The following PRKRA variants were observed in gnomAD, a reference collection of about 807,000 sequenced individuals.
The protein encoded by PRKRA is protein activator of interferon induced protein kinase EIF2AK2.
PRKRA carries 22 observed loss-of-function variants against 32.4 expected under a neutral mutation model. The observed-to-expected ratio is 0.68, with a 90% CI of 0.49 to 0.97. The LOEUF (loss-of-function observed/expected upper bound fraction) is 0.97, where lower values mean the gene tolerates loss of function less well. Ranked by LOEUF, PRKRA falls within the 50% of genes least tolerant of loss-of-function variation. The probability of loss-of-function intolerance (pLI) is 0.00; values close to 1 mark genes in which losing one functional copy is unlikely to be tolerated. For missense variants in PRKRA, 319 were observed against 375.6 expected (o/e 0.85, Z 1.25); for synonymous variants, 139 against 129.8 (o/e 1.07, Z -0.48).
At chr2:178,435,886 T>C (rs922168854) in intron 7 of PRKRA, among the ~76,000 whole-genome samples, 1 of 152,246 alleles carries the variant, frequency 6.6e-6, no homozygotes, top group Non-Finnish European at 1.5e-5. Context: ...CTTAGAACAG[T>C]GTCTGGCACA....
In PRKRA at chr2:178,447,563, C is replaced by A; in HGVS notation, c.259G>T (p.Ala87Ser). The A allele has an allele frequency of 6.2e-7, 1 of 1,614,136 alleles. No individual in the cohort carries two copies. Among genetic ancestry groups the A allele is most frequent in the Non-Finnish European group, 8.5e-7 (1 of 1,180,000 alleles). Residue 87 changes from alanine to serine, a missense_variant, in exon 3 of 8, where the codon GCG (alanine) becomes TCG (serine). By Grantham distance (99) the Ala-to-Ser change is moderately conservative (BLOSUM62 1). Transcript: ENST00000325748. Reference sequence around the variant, plus strand: ...GCAGCCTCTGCAGCTCTATGTTTCGCCAGCTTCTTACTTGTACCTTCACCT... The same window carrying A: ...GCAGCCTCTGCAGCTCTATGTTTCGACAGCTTCTTACTTGTACCTTCACCT... ...CTGEGTSKKL[A>S]KHRAAEAAIN...
At chr2:178,450,087 C>T (rs1377290807) in intron 2 of PRKRA, 155 bp downstream of exon 2, 7 of 954,828 alleles carry the variant, frequency 7.3e-6, no homozygotes, top group Non-Finnish European at 1.2e-5. Flanking sequence ...TCAGATGCAG[C>T]TGAAAAGCCC....
intron 6 of PRKRA, among the ~76,000 whole-genome samples, chr2:178,437,632 T>TA (rs1012124876): frequency 6.6e-6 from 1 of 152,186 alleles, no homozygotes; most frequent in Non-Finnish European, 1.5e-5. Context: ...TTAATTTTGA[T>TA]AAATACTTCC....
intron 2 of PRKRA, 108 bp from the exon 3 acceptor site, chr2:178,447,694 T>A: frequency 2.1e-6 from 2 of 968,550 alleles, no homozygotes; most frequent in East Asian, 4.4e-5. Context: ...TACATACACA[T>A]ACTAGGTAAT....
At chr2:178,433,895 AG>A (rs1696773439) in intron 7 of PRKRA, 1 of 152,208 alleles carries the variant, frequency 6.6e-6, no homozygotes. Context: ...CATATCTACA[AG>A]AACTATTTAG....
chr2:178,450,424 C>T lies in PRKRA; in HGVS notation c.66-13G>A, dbSNP rs1559361111. 10 of 1,614,238 alleles carry T rather than the reference C, an allele frequency of 6.2e-6. No individual in the cohort carries two copies. Among genetic ancestry groups the T allele is most frequent in the Non-Finnish European group, 8.5e-6 (10 of 1,180,038 alleles). On this transcript the variant is annotated splice_polypyrimidine_tract_variant and intron_variant, in intron 1 of 7. Coordinates refer to ENST00000325748, the MANE Select transcript of PRKRA (RefSeq NM_003690.5). ...CATCTTCCCCAAACTGCAAAAACCA[C>T]AAAAAGGTGTGCTTTGCATGCCAAA...
chr2:178,450,911 C>CG, intron 1 of PRKRA, 55 bp downstream of exon 1: 1 of 1,222,098 alleles, frequency 8.2e-7, no homozygotes, highest in Non-Finnish European at 1.0e-6. Context: ...CCCCGCGCCC[C>CG]GGCCCTGCCG....
At position 178,434,959 on chromosome 2, in the gene PRKRA, TAA is replaced by T. The variant is rs369335856; in HGVS notation, c.784+1184_784+1185del. 3.6e-4 allele frequency among the ~76,000 whole-genome samples: 50 copies of T among 139,308 alleles called. No individual in the cohort carries two copies. In the South Asian group the frequency reaches 0.011, roughly 29 times the overall value. 91.4% of individuals were successfully genotyped at this position (139,308 alleles called of 152,430 possible). On this transcript the variant is annotated intron_variant, in intron 7 of 7. Coordinates refer to ENST00000325748, the MANE Select transcript of PRKRA (RefSeq NM_003690.5). Reference sequence around the variant, plus strand: ...AACATGGTGAAACTCCCATCTCTACTAAAAAAAAAAAAACTTTGGGAGGCCGA... The same window carrying T: ...AACATGGTGAAACTCCCATCTCTACTAAAAAAAAAAACTTTGGGAGGCCGA...
chr2:178,440,737 C>G (rs959636318), intron 6 of PRKRA, among the ~76,000 whole-genome samples: 2 of 152,154 alleles, frequency 1.3e-5, no homozygotes, highest in African/African-American at 4.8e-5. Flanking sequence ...AGCACTCTCG[C>G]AGGTCTCTTT....
chr2:178,448,773 C>T (rs1697418253), intron 2 of PRKRA, among the ~76,000 whole-genome samples: 1 of 152,104 alleles, frequency 6.6e-6, no homozygotes, highest in Non-Finnish European at 1.5e-5. Flanking sequence ...GATTATTAAA[C>T]GCCAATGGAT....
rs780283451 is a variant in PRKRA at position 178,446,992 on chromosome 2, CAAAAAAAAAA to C, written c.317+503_317+512del. On this transcript the variant is annotated intron_variant, in intron 3 of 7. Transcript: ENST00000325748. ...TGGGCGACAGAGCGAGACTCCGTCT[CAAAAAAAAAA>C]AAAAAAAAAAAAAAATCTTACTTTA... Among the ~76,000 whole-genome samples the C allele has an allele frequency of 5.0e-4, 23 of 46,074 alleles. No individual in the cohort carries two copies. In the South Asian group the frequency reaches 0.014, roughly 28 times the overall value. 30.2% of individuals were successfully genotyped at this position (46,074 alleles called of 152,430 possible).
At chr2:178,450,555 G>C in intron 1 of PRKRA, 144 bp from the exon 2 acceptor site, 3 of 1,539,736 alleles carry the variant, frequency 1.9e-6, no homozygotes, top group Non-Finnish European at 2.6e-6. Flanking sequence ...GCGAGGCTGG[G>C]GCGCACCTGT....
At chr2:178,444,379 T>C in intron 4 of PRKRA, 43 bp downstream of exon 4, 1 of 1,146,700 alleles carries the variant, frequency 8.7e-7, no homozygotes, top group Non-Finnish European at 1.2e-6. Flanking sequence ...CATTACAAAC[T>C]TATTATATAT....
chr2:178,448,985 G>A (rs898884666), intron 2 of PRKRA, among the ~76,000 whole-genome samples: 8 of 152,316 alleles, frequency 5.3e-5, no homozygotes, highest in African/African-American at 1.9e-4. Flanking sequence ...AGGCAAAGAT[G>A]CTCAGCAAGC....
At chr2:178,446,992 CAAAAAAAAAAAA>C (rs780283451) in intron 3 of PRKRA, among the ~76,000 whole-genome samples, 14 of 46,088 alleles carry the variant, frequency 3.0e-4, no homozygotes, top group African/African-American at 1.1e-3. Flanking sequence ...GACTCCGTCT[CAAAAAAAAAAAA>C]AAAAAAAAAA....
At chr2:178,441,883 A>C (rs1697129226) in intron 5 of PRKRA, among the ~76,000 whole-genome samples, 179 bp from the exon 6 acceptor site, 1 of 145,218 alleles carries the variant, frequency 6.9e-6, no homozygotes, top group African/African-American at 2.6e-5. Flanking sequence ...TATAGCTATT[A>C]ATTCTTTTTT....
chr2:178,448,176 C>A (rs900002001), intron 2 of PRKRA, among the ~76,000 whole-genome samples: 2 of 152,136 alleles, frequency 1.3e-5, no homozygotes, highest in Non-Finnish European at 2.9e-5. Context: ...ATCTTCTGGA[C>A]GGTCTGTATC....
intron 2 of PRKRA, among the ~76,000 whole-genome samples, chr2:178,449,183 G>A (rs1173574214): frequency 2.0e-5 from 3 of 151,144 alleles, no homozygotes; most frequent in African/African-American, 7.4e-5. Context: ...AACACATTGA[G>A]AGGGAAAAAC....
chr2:178,441,762 G>T, intron 5 of PRKRA, 58 bp from the exon 6 acceptor site: 2 of 1,369,652 alleles, frequency 1.5e-6, no homozygotes, highest in Non-Finnish European at 1.0e-6. Flanking sequence ...CACAGAGGAT[G>T]ATCAAACGTA....
Sources: allele counts gnomAD v4.1 joint callset (sites outside exome capture counted in the v4.1 genomes callset), GRCh38; gene constraint gnomAD v4.1.1; transcripts MANE v1.5; gene names NCBI Gene and HGNC (gene_info 2026-07-23, HGNC 2026-07-21).